ADGRG1: variants seen among roughly 807,000 people sequenced by gnomAD.
The protein encoded by ADGRG1 is 7-transmembrane protein with no EGF-like N-terminal domains-1.
In ADGRG1, 53 loss-of-function variants were observed where a neutral mutation model predicts 73.5. The ratio of observed to expected loss-of-function variants is 0.72; its 90% CI spans 0.58 to 0.91. The LOEUF is 0.91. ADGRG1 is among the 40% of genes least tolerant of loss of function. ADGRG1 has a pLI of 0.00. For missense variants in ADGRG1, 795 were observed against 871.8 expected (o/e 0.91, Z 1.11); for synonymous variants, 394 against 374.4 (o/e 1.05, Z -0.60).
intron 1 of ADGRG1, chr16:57,639,922 A>T: frequency 1.1e-6 from 1 of 942,962 alleles, no homozygotes; most frequent in Non-Finnish European, 1.3e-6. Flanking sequence ...TGGTACTCCA[A>T]GGGACTTGGG....
At position 57,659,621 on chromosome 16, in the gene ADGRG1, G is replaced by A. The variant is rs2046581766; in HGVS notation, c.1495G>A (p.Val499Met). Residue 499 changes from valine to methionine, a missense_variant, in exon 11 of 14, where the codon GTG (valine) becomes ATG (methionine). Coordinates refer to ENST00000562631, the MANE Select transcript of ADGRG1 (RefSeq NM_201525.4). ...LEGYNLYRLV[V>M]EVFGTYVPGY... ...GGGGTACAACCTCTACCGACTCGTGGTGGAGGTCTTTGGCACCTATGTCCC... is the reference window on the plus strand; with the variant it reads ...GGGGTACAACCTCTACCGACTCGTGATGGAGGTCTTTGGCACCTATGTCCC... 5.6e-6 allele frequency: 9 copies of A among 1,613,978 alleles called. No homozygotes were observed. Among genetic ancestry groups the A allele is most frequent in the Non-Finnish European group, 5.9e-6 (7 of 1,180,014 alleles).
chr16:57,645,585 C>G (rs1361998086), intron 1 of ADGRG1, among the ~76,000 whole-genome samples: 1 of 152,234 alleles, frequency 6.6e-6, no homozygotes, highest in Non-Finnish European at 1.5e-5. Flanking sequence ...CCTCCCCTCT[C>G]TGACCATCTC....
chr16:57,640,386 C>A (rs941077771), intron 1 of ADGRG1: 1 of 152,262 alleles, frequency 6.6e-6, no homozygotes, highest in African/African-American at 2.4e-5. Flanking sequence ...GGTAACTTGA[C>A]CTCCCTGGGC....
At chr16:57,633,611 A>T in intron 1 of ADGRG1, 1 of 580,678 alleles carries the variant, frequency 1.7e-6, no homozygotes, top group Non-Finnish European at 2.2e-6. Context: ...TGGGACAGGT[A>T]TATTAACCTC....
At chr16:57,630,069 T>C (rs1242467405) in intron 1 of ADGRG1, 1 of 936,980 alleles carries the variant, frequency 1.1e-6, no homozygotes, top group Non-Finnish European at 1.3e-6. Context: ...GAAGCATTTA[T>C]TGAGCGCTTA....
chr16:57,649,056 C>T (rs1036260398), intron 1 of ADGRG1, among the ~76,000 whole-genome samples: 6 of 152,182 alleles, frequency 3.9e-5, no homozygotes, highest in African/African-American at 1.4e-4. Flanking sequence ...AGATAGTAGC[C>T]GCTCAGCTAA....
chr16:57,663,360 G>T, intron 13 of ADGRG1, 92 bp from the exon 14 acceptor site: 1 of 1,572,556 alleles, frequency 6.4e-7, no homozygotes, highest in Non-Finnish European at 8.6e-7. Context: ...TGGAGAGGTG[G>T]GGCAGACCCG....
Position 57,661,871 on chromosome 16 carries a change from T to C in ADGRG1, c.1839T>C (p.Leu613=). 6.2e-7 allele frequency: 1 copy of C among 1,614,268 alleles called. No individual in the cohort carries two copies. The highest frequency in any genetic ancestry group is 8.5e-7 in the Non-Finnish European group (1 of 1,180,040). ...VLTLLGLSLV[L]GLPWALIFFS... is the part of the protein sequence containing the mutation. The stretch of plus-strand genomic sequence containing the variant: ...CACTGCTGGGCCTCAGCCTGGTCCT[T>C]GGCCTGCCCTGGGCCTTGATCTTCT... Residue 613 remains leucine (L), a synonymous_variant, in exon 13 of 14, where the codon CTT becomes CTC. Coordinates refer to ENST00000562631, the MANE Select transcript of ADGRG1 (RefSeq NM_201525.4).
At chr16:57,632,680 G>A (rs924969165) in intron 1 of ADGRG1, 1 of 609,496 alleles carries the variant, frequency 1.6e-6, no homozygotes, top group Non-Finnish European at 2.1e-6. Flanking sequence ...AGTGTGGTGG[G>A]CGTCGGGCTC....
chr16:57,635,114 G>GA (rs2039029172), intron 1 of ADGRG1: 73 of 985,190 alleles, frequency 7.4e-5, no homozygotes, highest in Non-Finnish European at 8.6e-5. Context: ...CCCACCTCCT[G>GA]AATCTTCAGG....
intron 1 of ADGRG1, chr16:57,636,794 G>A (rs1357235570): frequency 1.4e-6 from 1 of 734,436 alleles, no homozygotes; most frequent in Non-Finnish European, 1.7e-6. Flanking sequence ...GATGCAGGTG[G>A]TGAGCAAGAC....
At chr16:57,661,560 T>C in intron 12 of ADGRG1, 137 bp from the exon 13 acceptor site, 1 of 1,497,022 alleles carries the variant, frequency 6.7e-7, no homozygotes. Context: ...TTTTTAAAAT[T>C]ACATCAACAC....
At chr16:57,624,199 A>G (rs1176790637), upstream of ADGRG1, 25 of 980,848 alleles carry the variant, frequency 2.5e-5, no homozygotes, top group African/African-American at 4.4e-4. Context: ...GCTCTTGTCT[A>G]AAAAATACCC....
rs976169999 is a variant in ADGRG1 at position 57,634,112 on chromosome 16, A to C, written c.-36+5310A>C. 29 of 985,456 alleles carry C rather than the reference A, an allele frequency of 2.9e-5. No homozygotes were observed. In the African/African-American group the frequency reaches 4.7e-4, roughly 16 times the overall value. 61.0% of individuals were successfully genotyped at this position (985,456 alleles called of 1,614,324 possible). A position where few individuals can be genotyped will look rare whatever the true frequency, so the allele number is the denominator to read the frequency against. On this transcript the variant is annotated intron_variant, in intron 1 of 13. Coordinates refer to ENST00000562631, the MANE Select transcript of ADGRG1 (RefSeq NM_201525.4). ...TCCAGTCGAGCTGGTTTCCTGGGAC[A>C]GAACAGCACTGTGGTCACTTCTCTG...
chr16:57,630,166 C>A (rs1487711024), intron 1 of ADGRG1: 2 of 422,770 alleles, frequency 4.7e-6, no homozygotes, highest in Non-Finnish European at 6.3e-6. Flanking sequence ...AGACCCAGAG[C>A]CAAGCCCCCT....
chr16:57,653,827 T>G, intron 4 of ADGRG1, 159 bp from the exon 5 acceptor site: 2 of 985,088 alleles, frequency 2.0e-6, no homozygotes, highest in Non-Finnish European at 2.4e-6. Flanking sequence ...TTTTGTCTGC[T>G]CTCCACTCTC....
intron 11 of ADGRG1, chr16:57,660,310 T>C: frequency 1.0e-6 from 1 of 984,982 alleles, no homozygotes; most frequent in Admixed American, 6.1e-5. Flanking sequence ...ATGAAATTCC[T>C]TTGGAGGTGT....
At chr16:57,621,876 G>T (rs1340010605) in intron 2 of ADGRG1, 17 of 985,170 alleles carry the variant, frequency 1.7e-5, no homozygotes, top group Non-Finnish European at 2.0e-5. Context: ...CCATGCCAAG[G>T]CTGGGACCCC....
At chr16:57,656,357 G>C in intron 8 of ADGRG1, 86 bp downstream of exon 8, 2 of 1,611,452 alleles carry the variant, frequency 1.2e-6, no homozygotes, top group Non-Finnish European at 1.7e-6. Flanking sequence ...GTTAATCACC[G>C]AGGGCTTCCT....
Sources: allele counts gnomAD v4.1 joint callset (sites outside exome capture counted in the v4.1 genomes callset), GRCh38; gene constraint gnomAD v4.1.1; transcripts MANE v1.5; gene names NCBI Gene and HGNC (gene_info 2026-07-23, HGNC 2026-07-21).